The following GRIK1 variants were observed in gnomAD, a reference collection of about 807,000 sequenced individuals.
The protein encoded by GRIK1 is glutamate ionotropic receptor kainate type subunit 1.
GRIK1 carries 69 observed loss-of-function variants against 105.7 expected under a neutral mutation model. The ratio of observed to expected loss-of-function variants is 0.65; its 90% confidence interval spans 0.54 to 0.80. The LOEUF (loss-of-function observed/expected upper bound fraction) is 0.80. Among genes scored for constraint, GRIK1 ranks in the 30% least tolerant of loss-of-function variants. The pLI is 0.00. For missense variants in GRIK1, 1,109 were observed against 1,167.3 expected (o/e 0.95, Z 0.73); for synonymous variants, 438 against 431.3 (o/e 1.02, Z -0.19).
rs142243766 is a variant in GRIK1 at position 29,856,313 on chromosome 21, C to T, written c.118+83070G>A. Among the ~76,000 whole-genome samples the T allele has an allele frequency of 8.1e-4, 123 of 152,254 alleles. 1 individual carries two copies. The highest frequency in any genetic ancestry group is 2.9e-3 in the African/African-American group (122 of 41,536). ...ATTTAGGTGGAAAATTATCAGCATACAGCACCAGAGCAGCCAAAAGAATGA... is the reference window on the plus strand; with the variant it reads ...ATTTAGGTGGAAAATTATCAGCATATAGCACCAGAGCAGCCAAAAGAATGA... On this transcript the variant is annotated intron_variant, in intron 1 of 17. Coordinates refer to ENST00000327783, the MANE Select transcript of GRIK1 (RefSeq NM_001330994.2).
At chr21:29,847,466 G>A (rs578124594) in intron 1 of GRIK1, among the ~76,000 whole-genome samples, 1 of 152,232 alleles carries the variant, frequency 6.6e-6, no homozygotes, top group Admixed American at 6.5e-5. Flanking sequence ...GTGGTAGTGC[G>A]AACCTGTCAG....
At chr21:29,649,432 C>A (rs1000646212) in intron 6 of GRIK1, among the ~76,000 whole-genome samples, 3 of 152,112 alleles carry the variant, frequency 2.0e-5, no homozygotes, top group Non-Finnish European at 4.4e-5. Context: ...AGTCTAGAAA[C>A]CCCTCTCTTA....
chr21:29,765,862 T>A (rs948674793), intron 1 of GRIK1, among the ~76,000 whole-genome samples: 2 of 151,928 alleles, frequency 1.3e-5, no homozygotes, highest in African/African-American at 4.8e-5. Flanking sequence ...TTCTTCTTTT[T>A]TTTTTTTGAG....
intron 1 of GRIK1, among the ~76,000 whole-genome samples, chr21:29,770,745 G>A (rs2065793863): frequency 6.6e-6 from 1 of 152,154 alleles, no homozygotes; most frequent in Non-Finnish European, 1.5e-5. Flanking sequence ...CATGGCTTGT[G>A]CAGACATTGT....
At chr21:29,579,415 A>G (rs577904239) in intron 13 of GRIK1, among the ~76,000 whole-genome samples, 1 of 152,316 alleles carries the variant, frequency 6.6e-6, no homozygotes, top group Non-Finnish European at 1.5e-5. Context: ...ACTAGAAAAT[A>G]TTTGGGATGA....
intron 1 of GRIK1, among the ~76,000 whole-genome samples, chr21:29,799,596 C>G (rs2066649339): frequency 6.6e-6 from 1 of 152,230 alleles, no homozygotes; most frequent in Non-Finnish European, 1.5e-5. Context: ...GTGGCACAAT[C>G]TTGCCTCAGT....
At chr21:29,921,641 A>G (rs1342083136) in intron 1 of GRIK1, among the ~76,000 whole-genome samples, 1 of 152,178 alleles carries the variant, frequency 6.6e-6, no homozygotes, top group East Asian at 1.9e-4. Flanking sequence ...TAAATAAATA[A>G]AAATATAGGC....
At chr21:29,678,308 A>G (rs1013981967) in intron 3 of GRIK1, among the ~76,000 whole-genome samples, 7 of 152,192 alleles carry the variant, frequency 4.6e-5, no homozygotes, top group African/African-American at 1.7e-4. Flanking sequence ...GGGAAACACA[A>G]TGCTTTTAAA....
intron 9 of GRIK1, 46 bp downstream of exon 9, chr21:29,596,480 C>G (rs1388007966): frequency 1.5e-6 from 2 of 1,311,246 alleles, no homozygotes; most frequent in Middle Eastern, 1.8e-4. Context: ...AATGACATTC[C>G]CCATCCCACC....
chr21:29,555,763 T>C (rs1568806015), intron 15 of GRIK1, among the ~76,000 whole-genome samples: 1 of 152,192 alleles, frequency 6.6e-6, no homozygotes, highest in Non-Finnish European at 1.5e-5. Flanking sequence ...GAGCAGTCTA[T>C]TTGTGGCAAT....
At chr21:29,540,913 G>A (rs2089957755) in intron 16 of GRIK1, among the ~76,000 whole-genome samples, 1 of 151,868 alleles carries the variant, frequency 6.6e-6, no homozygotes, top group Non-Finnish European at 1.5e-5. Context: ...TGGATCTGGG[G>A]CCTGGATTAA....
chr21:29,934,586 T>C (rs1314661454), intron 1 of GRIK1, among the ~76,000 whole-genome samples: 1 of 152,186 alleles, frequency 6.6e-6, no homozygotes, highest in Non-Finnish European at 1.5e-5. Flanking sequence ...AAAGTAAGTG[T>C]TATTTATTGT....
chr21:29,882,937 T>C (rs1016249298), intron 1 of GRIK1, among the ~76,000 whole-genome samples: 1 of 152,114 alleles, frequency 6.6e-6, no homozygotes, highest in African/African-American at 2.4e-5. Context: ...ACTTTCTTGA[T>C]GTCTAATTAC....
At chr21:29,939,302 G>GC in intron 1 of GRIK1, 81 bp downstream of exon 1, 1 of 822,886 alleles carries the variant, frequency 1.2e-6, no homozygotes, top group Non-Finnish European at 2.0e-6. Flanking sequence ...GCCGCGCGCT[G>GC]CCTCGCCCGG....
rs1486122047 is a variant in GRIK1 at position 29,814,784 on chromosome 21, G to T, written c.119-120721C>A. Among the ~76,000 whole-genome samples, 3 of 152,090 alleles carry T rather than the reference G, an allele frequency of 2.0e-5. No homozygotes were observed. The East Asian group carries it at 5.8e-4, about 29-fold the overall frequency. The stretch of plus-strand genomic sequence containing the variant: ...GGAGGATGTACAGGTATGCATTAGG[G>T]TGTAGAGTGAGTGTGGGCATTTTGA... On this transcript the variant is annotated intron_variant, in intron 1 of 17. Transcript: ENST00000327783.
chr21:29,596,269 G>T (rs2061410629), intron 9 of GRIK1: 8 of 598,296 alleles, frequency 1.3e-5, no homozygotes, highest in Middle Eastern at 4.0e-4. Context: ...GATCCTGCCT[G>T]GGAGAAACAA....
At chr21:29,560,318 T>A (rs866832866) in intron 15 of GRIK1, among the ~76,000 whole-genome samples, 4 of 119,666 alleles carry the variant, frequency 3.3e-5, no homozygotes, top group Non-Finnish European at 5.1e-5. Context: ...TTTCTTTCTT[T>A]CTTTCTTTCT....
At chr21:29,703,742 G>T (rs1375379042) in intron 1 of GRIK1, among the ~76,000 whole-genome samples, 2 of 152,198 alleles carry the variant, frequency 1.3e-5, no homozygotes, top group African/African-American at 4.8e-5. Context: ...TCCCAGCCAA[G>T]AACAGAGCTG....
intron 3 of GRIK1, among the ~76,000 whole-genome samples, chr21:29,689,088 C>A (rs920713170): frequency 1.3e-5 from 2 of 150,574 alleles, no homozygotes; most frequent in Non-Finnish European, 3.0e-5. Flanking sequence ...AAATTCTGGA[C>A]AATAAGCAGA....
Sources: allele counts gnomAD v4.1 joint callset (sites outside exome capture counted in the v4.1 genomes callset), GRCh38; gene constraint gnomAD v4.1.1; transcripts MANE v1.5; gene names NCBI Gene and HGNC (gene_info 2026-07-23, HGNC 2026-07-21).